The following ANKS1B variants were observed in gnomAD, a reference collection of about 807,000 sequenced individuals.
ANKS1B encodes the protein ankyrin repeat and sterile alpha motif domain-containing protein 1B.
In ANKS1B, 36 loss-of-function variants were observed where a neutral mutation model predicts 148.3. The ratio of observed to expected loss-of-function variants is 0.24; its 90% CI spans 0.19 to 0.32. The LOEUF (loss-of-function observed/expected upper bound fraction) is 0.32. ANKS1B is among the 10% of genes least tolerant of loss of function. The pLI is 1.00. For synonymous variants in ANKS1B, 542 were observed against 560.8 expected, an observed-to-expected ratio of 0.97 and a Z score of 0.47; for missense variants, 1,157 against 1,542.6, an observed-to-expected ratio of 0.75 and a Z score of 4.19.
At chr12:98,874,468 T>C (rs1051447435) in intron 17 of ANKS1B, among the ~76,000 whole-genome samples, 2 of 152,156 alleles carry the variant, frequency 1.3e-5, no homozygotes, top group Non-Finnish European at 2.9e-5. Flanking sequence ...AGCTTGAACA[T>C]GAACTGAGGA....
intron 11 of ANKS1B, among the ~76,000 whole-genome samples, chr12:99,434,227 G>T (rs1380544056): frequency 6.6e-6 from 1 of 151,986 alleles, no homozygotes; most frequent in East Asian, 1.9e-4. Context: ...CTAAAGGGAA[G>T]GATAGACTAT....
chr12:99,943,257 G>T (rs1458080060), intron 1 of ANKS1B, among the ~76,000 whole-genome samples: 2 of 152,122 alleles, frequency 1.3e-5, no homozygotes, highest in African/African-American at 2.4e-5. Context: ...TTTAAGCCGA[G>T]CTTTTTGATA....
chr12:99,315,113 C>A (rs1010271681), intron 12 of ANKS1B, among the ~76,000 whole-genome samples: 1 of 151,714 alleles, frequency 6.6e-6, no homozygotes, highest in Non-Finnish European at 1.5e-5. Flanking sequence ...CGTGGTGGTG[C>A]ATGCCTGTAG....
At chr12:99,132,839 G>T (rs1420229730) in intron 15 of ANKS1B, among the ~76,000 whole-genome samples, 1 of 152,068 alleles carries the variant, frequency 6.6e-6, no homozygotes, top group Admixed American at 6.6e-5. Context: ...ACATAAAGTG[G>T]CCACTCATAT....
intron 9 of ANKS1B, among the ~76,000 whole-genome samples, chr12:99,629,915 T>A (rs191042779): frequency 6.6e-6 from 1 of 152,280 alleles, no homozygotes; most frequent in Non-Finnish European, 1.5e-5. Flanking sequence ...TGACAAAAGG[T>A]ACATACCTTG....
At chr12:99,808,947 G>A (rs558778894) in intron 3 of ANKS1B, among the ~76,000 whole-genome samples, 76 of 152,128 alleles carry the variant, frequency 5.0e-4, no homozygotes, top group Non-Finnish European at 9.6e-4. Context: ...ACCTACTCAG[G>A]ATAAAAAGTT....
chr12:99,111,741 G>A (rs1018695039), intron 15 of ANKS1B, among the ~76,000 whole-genome samples: 1 of 151,820 alleles, frequency 6.6e-6, no homozygotes, highest in Non-Finnish European at 1.5e-5. Context: ...AGTGGGCTGA[G>A]TTTTCTTGTT....
At chr12:99,913,015 A>G (rs2094053992) in intron 1 of ANKS1B, among the ~76,000 whole-genome samples, 1 of 152,196 alleles carries the variant, frequency 6.6e-6, no homozygotes, top group Admixed American at 6.5e-5. Context: ...TGACTACTTT[A>G]TGAATTGTTC....
chr12:98,988,375 C>T (rs2099924662), intron 17 of ANKS1B, among the ~76,000 whole-genome samples: 2 of 152,158 alleles, frequency 1.3e-5, no homozygotes, highest in South Asian at 4.1e-4. Flanking sequence ...CTGTGCCTTT[C>T]TTAATTCACT....
intron 8 of ANKS1B, among the ~76,000 whole-genome samples, chr12:99,693,533 T>C (rs953145972): frequency 1.3e-5 from 2 of 152,206 alleles, no homozygotes; most frequent in Non-Finnish European, 2.9e-5. Context: ...TTTTAGAAAG[T>C]ACATTGGTAT....
intron 4 of ANKS1B, among the ~76,000 whole-genome samples, chr12:99,782,654 A>G (rs1262889204): frequency 6.6e-6 from 1 of 152,202 alleles, no homozygotes; most frequent in East Asian, 1.9e-4. Context: ...AAGAGAAGTA[A>G]TGCCCACCTC....
At chr12:99,673,840 T>C (rs2098549547) in intron 8 of ANKS1B, among the ~76,000 whole-genome samples, 1 of 151,662 alleles carries the variant, frequency 6.6e-6, no homozygotes, top group South Asian at 2.1e-4. Context: ...ATTAATATGG[T>C]CATTATTTTC....
rs548053548 is a variant in ANKS1B, at chr12:98,958,295, C to A, written c.2778+94862G>T. On this transcript the variant is annotated intron_variant, in intron 17 of 26. Coordinates refer to ENST00000683438, the MANE Select transcript of ANKS1B (RefSeq NM_001352186.2). ...CAGCACTAAAACCAACTATTATAGT[C>A]AAAAATCCTGAAATAAACCTCCTGG... Among the ~76,000 whole-genome samples, 5 of 152,268 alleles carry A rather than the reference C, an allele frequency of 3.3e-5. No homozygotes were observed. The East Asian group carries it at 5.8e-4, about 18-fold the overall frequency.
At chr12:99,881,466 A>G (rs2092482197) in intron 1 of ANKS1B, among the ~76,000 whole-genome samples, 1 of 152,158 alleles carries the variant, frequency 6.6e-6, no homozygotes, top group Admixed American at 6.5e-5. Context: ...GAACCTAAAC[A>G]TGGGTACAAC....
At chr12:99,454,661 T>C (rs187504965) in intron 10 of ANKS1B, among the ~76,000 whole-genome samples, 1 of 152,352 alleles carries the variant, frequency 6.6e-6, no homozygotes, top group Admixed American at 6.5e-5. Flanking sequence ...AGAGGTATGC[T>C]GTAATTGGTG....
At chr12:99,796,726 A>G (rs1187047598) in intron 4 of ANKS1B, among the ~76,000 whole-genome samples, 4 of 151,960 alleles carry the variant, frequency 2.6e-5, no homozygotes, top group Non-Finnish European at 5.9e-5. Flanking sequence ...AAGTAATGAC[A>G]AGTATTATCA....
At chr12:99,160,338 T>C (rs2076520226) in intron 14 of ANKS1B, among the ~76,000 whole-genome samples, 1 of 151,866 alleles carries the variant, frequency 6.6e-6, no homozygotes, top group Non-Finnish European at 1.5e-5. Flanking sequence ...GGTTTTCTTC[T>C]AGGATTCTTT....
chr12:99,903,463 T>C (rs768741736), intron 1 of ANKS1B, among the ~76,000 whole-genome samples: 2 of 152,120 alleles, frequency 1.3e-5, no homozygotes, highest in Non-Finnish European at 2.9e-5. Flanking sequence ...CCCTCTGTAA[T>C]TGGAGGGAAT....
At chr12:98,885,813 C>A (rs371567432) in intron 17 of ANKS1B, among the ~76,000 whole-genome samples, 1 of 152,178 alleles carries the variant, frequency 6.6e-6, no homozygotes, top group Admixed American at 6.5e-5. Flanking sequence ...TCTGCAATTT[C>A]TTTAGGTTGC....
Sources: gnomAD v4.1 joint callset for allele counts (sites outside exome capture counted in the v4.1 genomes callset) on GRCh38, gnomAD v4.1.1 for gene constraint, MANE v1.5 for transcripts, NCBI Gene and HGNC (gene_info 2026-07-23, HGNC 2026-07-21) for gene names.